The following RNF38 variants were observed in gnomAD, a reference collection of about 807,000 sequenced individuals.
RNF38 encodes the protein E3 ubiquitin-protein ligase RNF38.
In RNF38, 15 loss-of-function variants were observed where a neutral mutation model predicts 67.2. The observed-to-expected ratio is 0.22, with a 90% confidence interval of 0.15 to 0.34. The LOEUF is 0.34. Ranked by LOEUF, RNF38 falls within the 10% of genes least tolerant of loss-of-function variation. RNF38 has a pLI of 1.00. For synonymous variants in RNF38, 220 were observed against 218.8 expected, an observed-to-expected ratio of 1.01 and a Z score of -0.05; for missense variants, 524 against 639.9, an observed-to-expected ratio of 0.82 and a Z score of 1.95.
chr9:36,401,158 C>A, upstream of RNF38: 2 of 985,234 alleles, frequency 2.0e-6, no homozygotes, highest in Non-Finnish European at 1.2e-6. Flanking sequence ...AGGCTCCGCA[C>A]CGCGCGCCGA....
intron 3 of RNF38, among the ~76,000 whole-genome samples, chr9:36,370,395 C>T (rs1249405536): frequency 6.6e-6 from 1 of 151,816 alleles, no homozygotes; most frequent in Non-Finnish European, 1.5e-5. Flanking sequence ...TCCTATGTGG[C>T]CAAAATGACA....
intron 11 of RNF38, among the ~76,000 whole-genome samples, chr9:36,340,602 C>T (rs766666765): frequency 6.6e-6 from 1 of 152,196 alleles, no homozygotes; most frequent in Non-Finnish European, 1.5e-5. Flanking sequence ...AAACTCCAGG[C>T]CTCAAATGAT....
chr9:36,423,331 G>A (rs1161871312), intron 2 of RNF38, among the ~76,000 whole-genome samples: 1 of 152,172 alleles, frequency 6.6e-6, no homozygotes, highest in Non-Finnish European at 1.5e-5. Flanking sequence ...CACAAAGACA[G>A]AGACCAACAA....
At chr9:36,345,257 T>C (rs1833141123) in intron 9 of RNF38, among the ~76,000 whole-genome samples, 1 of 152,254 alleles carries the variant, frequency 6.6e-6, no homozygotes, top group Non-Finnish European at 1.5e-5. Context: ...TTAATGAACC[T>C]TGATCTATCC....
At chr9:36,411,594 C>T (rs923010045) in intron 2 of RNF38, among the ~76,000 whole-genome samples, 21 of 152,080 alleles carry the variant, frequency 1.4e-4, no homozygotes, top group African/African-American at 3.1e-4. Flanking sequence ...CAGAGTCTTG[C>T]GCAATCACCC....
rs1265463494 is a variant in RNF38, at chr9:36,338,079, T to C, written c.*1673A>G. The C allele has an allele frequency of 1.3e-5, 2 of 152,626 alleles. No individual in the cohort carries two copies. The highest frequency in any genetic ancestry group is 4.8e-5 in the African/African-American group (2 of 41,442). 9.5% of individuals were successfully genotyped at this position (152,626 alleles called of 1,614,324 possible). The stretch of plus-strand genomic sequence containing the variant: ...GTTGAGTGGGGCTGGCAGCAAGTTA[T>C]CACAGTCCTGACTGGAATAATGCAG... On this transcript the variant is annotated 3_prime_UTR_variant, in exon 12 of 12. Transcript: ENST00000259605.
chr9:36,367,495 C>T (rs1012896958), intron 4 of RNF38, among the ~76,000 whole-genome samples: 1 of 152,094 alleles, frequency 6.6e-6, no homozygotes, highest in East Asian at 1.9e-4. Context: ...TGAACCCATG[C>T]AGGACGGGTT....
Position 36,347,892 on chromosome 9 carries a change from C to T in RNF38, c.1264-2939G>A, listed in dbSNP as rs142245432. On this transcript the variant is annotated intron_variant, in intron 9 of 11. Coordinates refer to ENST00000259605, the MANE Select transcript of RNF38 (RefSeq NM_022781.5). ...GAGATCGAGACCATCCTGGCTAACA[C>T]GGTGAAACCCCGTCTCTACTAAAAA... Among the ~76,000 whole-genome samples, 393 of 151,854 alleles carry T rather than the reference C, an allele frequency of 2.6e-3. 2 individuals carry two copies. Among genetic ancestry groups the T allele is most frequent in the African/African-American group, 8.2e-3 (338 of 41,452 alleles).
At chr9:36,451,390 G>A (rs538274614) in intron 1 of RNF38, among the ~76,000 whole-genome samples, 17 of 151,810 alleles carry the variant, frequency 1.1e-4, no homozygotes, top group Non-Finnish European at 1.9e-4. Flanking sequence ...GCTTGAAGCC[G>A]GGAGGCTGGA....
intron 1 of RNF38, among the ~76,000 whole-genome samples, chr9:36,438,067 G>A (rs549268428): frequency 6.6e-6 from 1 of 152,052 alleles, no homozygotes; most frequent in African/African-American, 2.4e-5. Context: ...TCAGCCTCTC[G>A]AGTAGCTGGG....
intron 1 of RNF38, among the ~76,000 whole-genome samples, chr9:36,476,009 CAAAA>C (rs139323204): frequency 3.7e-5 from 4 of 109,442 alleles, no homozygotes; most frequent in South Asian, 2.9e-4. Context: ...ACTCTGTTTC[CAAAA>C]AAAAAAAAAA....
At chr9:36,355,646 AACAAT>A (rs1312571472) in intron 6 of RNF38, among the ~76,000 whole-genome samples, 3 of 152,198 alleles carry the variant, frequency 2.0e-5, no homozygotes, top group Non-Finnish European at 2.9e-5. Context: ...AAAAGAAAAA[AACAAT>A]ACAACTAAAA....
At chr9:36,402,634 GCTAT>G (rs1330148513), upstream of RNF38, among the ~76,000 whole-genome samples, 4 of 152,294 alleles carry the variant, frequency 2.6e-5, no homozygotes, top group Non-Finnish European at 5.9e-5. Flanking sequence ...ACATTTGGGA[GCTAT>G]CTAACTGTAA....
upstream of RNF38, chr9:36,400,459 CT>C: frequency 2.9e-6 from 3 of 1,051,098 alleles, no homozygotes; most frequent in Non-Finnish European, 3.4e-6. Context: ...CGAGGCAAAC[CT>C]TAGCCCAAGA....
intron 9 of RNF38, among the ~76,000 whole-genome samples, chr9:36,348,248 T>C (rs1032874872): frequency 6.6e-6 from 1 of 151,920 alleles, no homozygotes; most frequent in Non-Finnish European, 1.5e-5. Context: ...GGCTCATGAC[T>C]GTAATCCCAA....
At chr9:36,423,510 G>C (rs187064123) in intron 2 of RNF38, among the ~76,000 whole-genome samples, 1 of 152,110 alleles carries the variant, frequency 6.6e-6, no homozygotes, top group Admixed American at 6.5e-5. Flanking sequence ...CATATAACAC[G>C]CAGAAAATGG....
intron 1 of RNF38, among the ~76,000 whole-genome samples, chr9:36,393,026 C>T (rs1358696662): frequency 2.6e-5 from 4 of 152,182 alleles, no homozygotes; most frequent in African/African-American, 4.8e-5. Flanking sequence ...TGGTTTGCTT[C>T]TTTATGTAGG....
chr9:36,474,709 A>G (rs1564077039), intron 1 of RNF38, among the ~76,000 whole-genome samples: 1 of 148,534 alleles, frequency 6.7e-6, no homozygotes, highest in African/African-American at 2.5e-5. Flanking sequence ...AATACTTAGA[A>G]TAGAACCTTA....
chr9:36,352,243 T>TGAGCC (rs1296095104), intron 8 of RNF38, among the ~76,000 whole-genome samples: 3 of 151,718 alleles, frequency 2.0e-5, no homozygotes, highest in East Asian at 3.9e-4. Context: ...GAGCTTGCAG[T>TGAGCC]GAGCCGAGCC....
Sources: allele counts gnomAD v4.1 joint callset (sites outside exome capture counted in the v4.1 genomes callset), GRCh38; gene constraint gnomAD v4.1.1; transcripts MANE v1.5; gene names NCBI Gene and HGNC (gene_info 2026-07-23, HGNC 2026-07-21).